The following IQCM variants were observed in gnomAD, a reference collection of about 807,000 sequenced individuals.
The protein encoded by IQCM is IQ motif containing M.
Under a neutral mutation model 57.6 loss-of-function variants are expected in IQCM, and 45 were observed. The observed-to-expected ratio is 0.78, with a 90% confidence interval of 0.62 to 1.00. The LOEUF (loss-of-function observed/expected upper bound fraction) is 1.00, where lower values mean the gene tolerates loss of function less well. Ranked by LOEUF, IQCM falls within the 50% of genes least tolerant of loss-of-function variation. The probability of loss-of-function intolerance (pLI) is 0.00; values close to 1 mark genes in which losing one functional copy is unlikely to be tolerated. For synonymous variants in IQCM, 148 were observed against 158.9 expected, an observed-to-expected ratio of 0.93 and a Z score of 0.51; for missense variants, 468 against 511.6, an observed-to-expected ratio of 0.91 and a Z score of 0.82.
chr4:149,691,896 G>T (rs544702769), intron 5 of IQCM: 1 of 152,112 alleles, frequency 6.6e-6, no homozygotes, highest in Admixed American at 6.5e-5. Flanking sequence ...AGGAATTCAC[G>T]TTTGTAAAAA....
intron 5 of IQCM, among the ~76,000 whole-genome samples, chr4:149,714,113 C>A (rs929081681): frequency 3.9e-5 from 6 of 152,150 alleles, no homozygotes; most frequent in African/African-American, 9.7e-5. Context: ...ACAGTGCTAA[C>A]CCCAATGTCA....
At chr4:149,676,818 A>G (rs2150191970) in intron 7 of IQCM, among the ~76,000 whole-genome samples, 1 of 152,166 alleles carries the variant, frequency 6.6e-6, no homozygotes, top group Non-Finnish European at 1.5e-5. Context: ...TCTTTATTCT[A>G]AAGAAGAATT....
At chr4:149,484,076 A>T (rs1289906683) in intron 12 of IQCM, among the ~76,000 whole-genome samples, 1 of 151,848 alleles carries the variant, frequency 6.6e-6, no homozygotes, top group Non-Finnish European at 1.5e-5. Context: ...TTGTCTTGAT[A>T]TCTATTTCAT....
chr4:149,486,310 T>C (rs566349145), intron 12 of IQCM, among the ~76,000 whole-genome samples: 60 of 152,058 alleles, frequency 3.9e-4, no homozygotes, highest in Non-Finnish European at 6.6e-4. Context: ...GCATTTTACT[T>C]GACATTCTAT....
At chr4:149,429,133 C>A (rs1193932145) in intron 13 of IQCM, among the ~76,000 whole-genome samples, 1 of 151,784 alleles carries the variant, frequency 6.6e-6, no homozygotes, top group African/African-American at 2.4e-5. Context: ...TTAATATAAT[C>A]TACAGCTTCA....
chr4:149,641,323 C>T (rs572642177), intron 7 of IQCM, among the ~76,000 whole-genome samples: 1 of 152,114 alleles, frequency 6.6e-6, no homozygotes, highest in Non-Finnish European at 1.5e-5. Context: ...CAGGATATTA[C>T]AATCACCCAC....
intron 13 of IQCM, among the ~76,000 whole-genome samples, chr4:149,367,901 G>T (rs1032637708): frequency 3.9e-5 from 6 of 151,930 alleles, no homozygotes; most frequent in Non-Finnish European, 8.8e-5. Context: ...GTGATTTTGA[G>T]CATCTTTGCA....
intron 2 of IQCM, among the ~76,000 whole-genome samples, chr4:149,772,649 A>G (rs948626579): frequency 4.6e-5 from 7 of 152,252 alleles, no homozygotes; most frequent in Admixed American, 3.9e-4. Context: ...TAAGTAAATG[A>G]GGCATAAAGC....
At chr4:149,755,159 T>C (rs1227057140) in intron 2 of IQCM, among the ~76,000 whole-genome samples, 1 of 152,232 alleles carries the variant, frequency 6.6e-6, no homozygotes, top group Admixed American at 6.5e-5. Context: ...CTTACCTGAA[T>C]TATCAGAATA....
intron 2 of IQCM, among the ~76,000 whole-genome samples, chr4:149,808,613 T>A (rs1304089329): frequency 6.6e-6 from 1 of 152,188 alleles, no homozygotes. Context: ...ATTACCTTGA[T>A]TTGATCATTA....
chr4:149,749,440 C>T (rs1768225428), intron 2 of IQCM, among the ~76,000 whole-genome samples: 1 of 152,136 alleles, frequency 6.6e-6, no homozygotes, highest in African/African-American at 2.4e-5. Flanking sequence ...ATAATCAGGA[C>T]ACGGTCTATG....
At chr4:149,517,183 G>A (rs550164021) in intron 12 of IQCM, among the ~76,000 whole-genome samples, 2 of 150,244 alleles carry the variant, frequency 1.3e-5, no homozygotes, top group African/African-American at 4.9e-5. Context: ...AATACAGAAT[G>A]GGTAGTAGAA....
intron 2 of IQCM, chr4:149,790,042 A>C: frequency 4.4e-6 from 2 of 454,312 alleles, no homozygotes; most frequent in East Asian, 3.7e-5. Flanking sequence ...ATGCACATGC[A>C]TTTCTCCTCA....
chr4:149,802,929 T>C (rs756444827), intron 2 of IQCM, among the ~76,000 whole-genome samples: 10 of 151,988 alleles, frequency 6.6e-5, no homozygotes, highest in Non-Finnish European at 1.0e-4. Flanking sequence ...TAATGTTCTA[T>C]GTTTGGAGGT....
At chr4:149,470,723 G>A (rs1055986144) in intron 12 of IQCM, among the ~76,000 whole-genome samples, 14 of 152,160 alleles carry the variant, frequency 9.2e-5, no homozygotes, top group African/African-American at 3.1e-4. Flanking sequence ...ATAGTCGGAA[G>A]TAAAGCACTC....
At chr4:149,516,292 G>T (rs1744959546) in intron 12 of IQCM, among the ~76,000 whole-genome samples, 1 of 152,182 alleles carries the variant, frequency 6.6e-6, no homozygotes, top group African/African-American at 2.4e-5. Flanking sequence ...ATATGGGTTT[G>T]CCTATCCTGC....
At chr4:149,362,265 T>C (rs1729545681) in intron 13 of IQCM, among the ~76,000 whole-genome samples, 1 of 152,080 alleles carries the variant, frequency 6.6e-6, no homozygotes, top group Non-Finnish European at 1.5e-5. Context: ...CTGTGGACTT[T>C]TGGGTTAATG....
At chr4:149,629,745 T>G (rs979244626) in intron 7 of IQCM, among the ~76,000 whole-genome samples, 1 of 152,108 alleles carries the variant, frequency 6.6e-6, no homozygotes, top group Non-Finnish European at 1.5e-5. Flanking sequence ...AAAATTATGT[T>G]AAAATTAGGA....
chr4:149,598,008 A>G (rs1488366749), intron 8 of IQCM, among the ~76,000 whole-genome samples: 1 of 152,174 alleles, frequency 6.6e-6, no homozygotes, highest in Non-Finnish European at 1.5e-5. Flanking sequence ...TACCCCCAGC[A>G]ACAATGGTAG....
Sources: gnomAD v4.1 joint callset for allele counts (sites outside exome capture counted in the v4.1 genomes callset) on GRCh38, gnomAD v4.1.1 for gene constraint, MANE v1.5 for transcripts, NCBI Gene and HGNC (gene_info 2026-07-23, HGNC 2026-07-21) for gene names.